The following NDUFAF5 variants were observed in gnomAD, a reference collection of about 807,000 sequenced individuals.
NDUFAF5 encodes NADH:ubiquinone oxidoreductase complex assembly factor 5.
Under a neutral mutation model 48.9 loss-of-function variants are expected in NDUFAF5, and 34 were observed. That is an observed-to-expected ratio of 0.70 (90% CI 0.53 to 0.93). NDUFAF5 has a LOEUF of 0.93. NDUFAF5 is among the 40% of genes least tolerant of loss of function. The probability of loss-of-function intolerance (pLI) is 0.00; values close to 1 mark genes in which losing one functional copy is unlikely to be tolerated. For synonymous variants in NDUFAF5, 153 were observed against 150.6 expected (o/e 1.02, Z -0.12); for missense variants, 428 against 427.5 (o/e 1.00, Z -0.01).
chr20:13,801,113 G>A (rs1011399057), intron 6 of NDUFAF5, among the ~76,000 whole-genome samples: 4 of 152,130 alleles, frequency 2.6e-5, no homozygotes, highest in Admixed American at 6.5e-5. Flanking sequence ...GTTAGAAAAC[G>A]ACGTTTCAGA....
Position 13,816,971 on chromosome 20 carries a change from G to C in NDUFAF5, c.945+14G>C. On this transcript the variant is annotated intron_variant, in intron 10 of 10. Coordinates refer to ENST00000378106, the MANE Select transcript of NDUFAF5 (RefSeq NM_024120.5). Reference sequence around the variant, plus strand: ...CATGAGTCACAGGTAACGTTACTAAGATGGATCACTTTTCTTAGTGGGTTC... The same window carrying C: ...CATGAGTCACAGGTAACGTTACTAACATGGATCACTTTTCTTAGTGGGTTC... The C allele has an allele frequency of 6.3e-7, 1 of 1,590,548 alleles. No individual in the cohort carries two copies. Among genetic ancestry groups the C allele is most frequent in the Non-Finnish European group, 8.6e-7 (1 of 1,158,624 alleles).
At chr20:13,809,702 G>C (rs1985585265) in intron 8 of NDUFAF5, among the ~76,000 whole-genome samples, 1 of 152,222 alleles carries the variant, frequency 6.6e-6, no homozygotes, top group Non-Finnish European at 1.5e-5. Context: ...TTTGAAAAGA[G>C]TAGATTGGCA....
rs1704295224 is a variant in NDUFAF5 at position 13,816,811 on chromosome 20, T to C, written c.863-64T>C. 1.0e-5 allele frequency: 11 copies of C among 1,066,010 alleles called. No homozygotes were observed. In the South Asian group the frequency reaches 1.4e-4, roughly 13 times the overall value. 66.0% of individuals were successfully genotyped at this position (1,066,010 alleles called of 1,614,324 possible). ...CATTTCTTTTTGAAGAACATGACCT[T>C]TATTGAGCAGAAATTTTTTCCTACT... On this transcript the variant is annotated intron_variant, in intron 9 of 10. Transcript: ENST00000378106.
intron 4 of NDUFAF5, 47 bp downstream of exon 4, chr20:13,793,274 T>A (rs770524131): frequency 4.9e-6 from 7 of 1,425,506 alleles, no homozygotes; most frequent in Non-Finnish European, 6.9e-6. Context: ...GTGATGTGTT[T>A]TCTCATATTT....
intron 7 of NDUFAF5, among the ~76,000 whole-genome samples, chr20:13,804,536 T>C (rs1314094861): frequency 2.0e-5 from 3 of 152,212 alleles, no homozygotes; most frequent in Admixed American, 6.5e-5. Context: ...TTAATAGTTT[T>C]CTAAATTGGT....
intron 8 of NDUFAF5, chr20:13,814,077 A>T: frequency 4.7e-6 from 1 of 213,780 alleles, no homozygotes; most frequent in Non-Finnish European, 9.6e-6. Flanking sequence ...GTTTTTTTTT[A>T]ATGTGTGAGG....
chr20:13,785,302 GGGCGGC>G lies in NDUFAF5; in HGVS notation c.222+15_222+20del. On this transcript the variant is annotated intron_variant, in intron 1 of 10. Transcript: ENST00000378106. ...ACCTGAAGGAGGAGGTGAGCCCGCGGGGCGGCGGGGCGGCGGGGCGGGCGACGCGGA... is the reference window on the plus strand; with the variant it reads ...ACCTGAAGGAGGAGGTGAGCCCGCGGGGGGCGGCGGGGCGGGCGACGCGGA... 1 of 971,250 alleles carries G rather than the reference GGGCGGC, an allele frequency of 1.0e-6. No individual in the cohort carries two copies. Among genetic ancestry groups the G allele is most frequent in the South Asian group, 1.7e-5 (1 of 59,476 alleles). 60.2% of individuals were successfully genotyped at this position (971,250 alleles called of 1,614,324 possible).
chr20:13,805,065 C>T (rs1296778294), intron 7 of NDUFAF5, among the ~76,000 whole-genome samples: 3 of 152,108 alleles, frequency 2.0e-5, no homozygotes, highest in East Asian at 3.8e-4. Context: ...TGAGAATCGT[C>T]TCCTATATTG....
chr20:13,787,187 G>C lies in NDUFAF5; in HGVS notation c.223-125G>C. 3 of 1,058,398 alleles carry C rather than the reference G, an allele frequency of 2.8e-6. No homozygotes were observed. The East Asian group carries it at 7.2e-5, about 25-fold the overall frequency. The allele number at this position is 1,058,398 out of a possible 1,614,324, so 65.6% of individuals were successfully genotyped here. A position where few individuals can be genotyped will look rare whatever the true frequency, so the allele number is the denominator to read the frequency against. ...CTGGTGGTTTGAGAAGAAAGTTCCT[G>C]TGGTGAAATTGAAAAGGGGATAAAG... is the stretch of plus-strand genomic sequence containing the variant. On this transcript the variant is annotated intron_variant, in intron 1 of 10. Coordinates refer to ENST00000378106, the MANE Select transcript of NDUFAF5 (RefSeq NM_024120.5).
chr20:13,794,725 G>T lies in NDUFAF5; in HGVS notation c.376-113G>T. 8 of 759,950 alleles carry T rather than the reference G, an allele frequency of 1.1e-5. No homozygotes were observed. In the South Asian group the frequency reaches 1.2e-4, roughly 11 times the overall value. The allele number at this position is 759,950 out of a possible 1,614,324, so 47.1% of individuals were successfully genotyped here. A position where few individuals can be genotyped will look rare whatever the true frequency, so the allele number is the denominator to read the frequency against. ...CTCTGTGCCACCTTTGGGAAGGGGG[G>T]TAGAAACTGCCAAGTAAATATAACA... On this transcript the variant is annotated intron_variant, in intron 4 of 10. Coordinates refer to ENST00000378106, the MANE Select transcript of NDUFAF5 (RefSeq NM_024120.5).
intron 8 of NDUFAF5, chr20:13,814,429 A>C: frequency 7.8e-7 from 1 of 1,287,980 alleles, no homozygotes; most frequent in Non-Finnish European, 1.0e-6. Flanking sequence ...ACAAAAGTCC[A>C]GAATGTTGAC....
intron 3 of NDUFAF5, 96 bp downstream of exon 3, chr20:13,788,748 G>T: frequency 2.4e-5 from 18 of 753,256 alleles, no homozygotes; most frequent in South Asian, 6.7e-5. Context: ...AACATATTTA[G>T]ATTTTAATTA....
At chr20:13,794,780 GT>G in intron 4 of NDUFAF5, 57 bp from the exon 5 acceptor site, 1 of 999,830 alleles carries the variant, frequency 1.0e-6, no homozygotes, top group South Asian at 1.3e-5. Flanking sequence ...CAGTGATTGT[GT>G]TAGTAATTGA....
Position 13,816,547 on chromosome 20 carries a change from G to C in NDUFAF5, c.862+1G>C, listed in dbSNP as rs760364824. The C allele has an allele frequency of 6.2e-7, 1 of 1,613,166 alleles. No individual in the cohort carries two copies. The highest frequency in any genetic ancestry group is 2.2e-5 in the East Asian group (1 of 44,862). On this transcript the variant is annotated splice_donor_variant, in intron 9 of 10. Transcript: ENST00000378106. LOFTEE classifies it high-confidence loss of function. The stretch of plus-strand genomic sequence containing the variant: ...CTGGCAGCTGCGGCAGTGTACAGAG[G>C]TAAGGGGCGACCACTCTTTCACCCG...
At position 13,814,301 on chromosome 20, in the gene NDUFAF5, G is replaced by T. The variant is rs377638437; in HGVS notation, c.779-2162G>T. ...GGGAGACTTTCAGGTGTGCCATTCT[G>T]CTGACTAGAAGATCATGTTACTTCC... On this transcript the variant is annotated intron_variant, in intron 8 of 10. Coordinates refer to ENST00000378106, the MANE Select transcript of NDUFAF5 (RefSeq NM_024120.5). 4 of 450,234 alleles carry T rather than the reference G, an allele frequency of 8.9e-6. No individual in the cohort carries two copies. The East Asian group carries it at 2.1e-4, about 24-fold the overall frequency. 27.9% of individuals were successfully genotyped at this position (450,234 alleles called of 1,614,324 possible).
rs1568793085 is a variant in NDUFAF5 at position 13,820,101 on chromosome 20, CT to C, written c.*2892del. 1 of 152,120 alleles carries C rather than the reference CT, an allele frequency of 6.6e-6. No individual in the cohort carries two copies. The highest frequency in any genetic ancestry group is 2.4e-5 in the African/African-American group (1 of 41,404). The allele number at this position is 152,120 out of a possible 1,614,324, so 9.4% of individuals were successfully genotyped here. ...GTGACACCTGTTGGCTGCCAGGAGACTGTTTGGCTTATTTCCTGGTTCTTAG... is the reference window on the plus strand; with the variant it reads ...GTGACACCTGTTGGCTGCCAGGAGACGTTTGGCTTATTTCCTGGTTCTTAG... On this transcript the variant is annotated 3_prime_UTR_variant, in exon 11 of 11. Transcript: ENST00000378106.
In NDUFAF5 at chr20:13,808,158, G is replaced by T. The variant is rs929279287; in HGVS notation, c.718-684G>T. Among the ~76,000 whole-genome samples the T allele has an allele frequency of 2.0e-5, 3 of 152,094 alleles. No individual in the cohort carries two copies. The East Asian group carries it at 5.8e-4, about 29-fold the overall frequency. ...CAGCAAAAGAGATGGCCTGGAAAAG[G>T]CTCTAGCTCTTAACTGTCTTGCCCC... On this transcript the variant is annotated intron_variant, in intron 7 of 10. Coordinates refer to ENST00000378106, the MANE Select transcript of NDUFAF5 (RefSeq NM_024120.5).
At chr20:13,810,722 A>G (rs976813685) in intron 8 of NDUFAF5, among the ~76,000 whole-genome samples, 1 of 152,084 alleles carries the variant, frequency 6.6e-6, no homozygotes, top group Non-Finnish European at 1.5e-5. Context: ...TGATGATGAC[A>G]GGTGTCTGAG....
chr20:13,788,905 G>A (rs1431295141), intron 3 of NDUFAF5, among the ~76,000 whole-genome samples: 2 of 151,676 alleles, frequency 1.3e-5, no homozygotes, highest in Admixed American at 6.6e-5. Context: ...ATCTATAGAA[G>A]ATATATTTCT....
Sources: allele counts gnomAD v4.1 joint callset (sites outside exome capture counted in the v4.1 genomes callset), GRCh38; gene constraint gnomAD v4.1.1; transcripts MANE v1.5; gene names NCBI Gene and HGNC (gene_info 2026-07-23, HGNC 2026-07-21).